The following TDP1 variants were observed in gnomAD, a reference collection of about 807,000 sequenced individuals.
TDP1 encodes the protein tyrosyl-DNA phosphodiesterase 1.
Under a neutral mutation model 81.5 loss-of-function variants are expected in TDP1, and 64 were observed. That is an observed-to-expected ratio of 0.79 (90% CI 0.64 to 0.97). The LOEUF is 0.97. TDP1 is among the 50% of genes least tolerant of loss of function. TDP1 has a pLI of 0.00. For synonymous variants in TDP1, 256 were observed against 264.3 expected (o/e 0.97, Z 0.30); for missense variants, 723 against 743.8 (o/e 0.97, Z 0.33).
chr14:90,010,708 A>G (rs1884602510), intron 14 of TDP1, among the ~76,000 whole-genome samples: 1 of 152,216 alleles, frequency 6.6e-6, no homozygotes, highest in Non-Finnish European at 1.5e-5. Flanking sequence ...ATTCTTCCTG[A>G]GGGCCTCTGG....
chr14:89,962,848 TG>T, intron 2 of TDP1: 1 of 919,518 alleles, frequency 1.1e-6, no homozygotes, highest in Non-Finnish European at 1.3e-6. Flanking sequence ...CCACTCCAGC[TG>T]GGTGACAGAG....
At chr14:90,016,416 G>A (rs1885316650) in intron 14 of TDP1, among the ~76,000 whole-genome samples, 2 of 152,094 alleles carry the variant, frequency 1.3e-5, no homozygotes, top group Admixed American at 6.5e-5. Context: ...ACCCTCCCAA[G>A]TCCTCCTTCA....
At chr14:90,026,748 T>C (rs937366631) in intron 15 of TDP1, among the ~76,000 whole-genome samples, 4 of 152,198 alleles carry the variant, frequency 2.6e-5, no homozygotes, top group Admixed American at 1.3e-4. Flanking sequence ...CTGAGAATGA[T>C]GGTTTCCAGC....
At chr14:90,042,428 G>T (rs1426767394) in intron 16 of TDP1, among the ~76,000 whole-genome samples, 6 of 152,186 alleles carry the variant, frequency 3.9e-5, no homozygotes. Context: ...TGGTTAAAGT[G>T]ATTTGCCAAT....
In TDP1 at chr14:89,988,583, A is replaced by G. The variant is rs969384915; in HGVS notation, c.1132-322A>G. 6 of 980,880 alleles carry G rather than the reference A, an allele frequency of 6.1e-6. No homozygotes were observed. In the African/African-American group the frequency reaches 1.1e-4, roughly 17 times the overall value. The allele number at this position is 980,880 out of a possible 1,614,324, so 60.8% of individuals were successfully genotyped here. On this transcript the variant is annotated intron_variant, in intron 10 of 16. Coordinates refer to ENST00000335725, the MANE Select transcript of TDP1 (RefSeq NM_018319.4). Reference sequence around the variant, plus strand: ...TGTGATTTCAAGTAAAAAAAATCTAATTTCATATGACAAGTTGGTGGTTTA... The same window carrying G: ...TGTGATTTCAAGTAAAAAAAATCTAGTTTCATATGACAAGTTGGTGGTTTA...
At chr14:90,007,884 A>G (rs796507605) in intron 14 of TDP1, among the ~76,000 whole-genome samples, 1 of 152,038 alleles carries the variant, frequency 6.6e-6, no homozygotes, top group Non-Finnish European at 1.5e-5. Context: ...GGCGTGAACC[A>G]CCATGCCTGG....
chr14:89,973,814 T>C (rs997576728), intron 6 of TDP1, among the ~76,000 whole-genome samples: 2 of 152,110 alleles, frequency 1.3e-5, no homozygotes, highest in Non-Finnish European at 2.9e-5. Context: ...CTCACAGTTC[T>C]GGAAGCTGGG....
In TDP1 at chr14:90,043,748, CA is replaced by C. The variant is rs397897279; in HGVS notation, c.*608del. On this transcript the variant is annotated 3_prime_UTR_variant, in exon 17 of 17. Coordinates refer to ENST00000335725, the MANE Select transcript of TDP1 (RefSeq NM_018319.4). ...TTCAGATTTTCAGATTAGGGATGCT[CA>C]AATCTATATAGATATAAAATTATCC... 15,024 of 159,420 alleles carry C rather than the reference CA, an allele frequency of 0.094. 1,669 individuals are homozygous for C. Among genetic ancestry groups the C allele is most frequent in the African/African-American group, 0.27 (11,146 of 41,430 alleles). The allele number at this position is 159,420 out of a possible 1,614,324, so 9.9% of individuals were successfully genotyped here.
rs12588078 is a variant in TDP1, at chr14:90,025,131, A to G, written c.1644+5713A>G. Among the ~76,000 whole-genome samples the G allele has an allele frequency of 1.7e-3, 260 of 152,270 alleles. 5 individuals carry two copies. In the East Asian group the frequency reaches 0.02, roughly 12 times the overall value. On this transcript the variant is annotated intron_variant, in intron 15 of 16. Coordinates refer to ENST00000335725, the MANE Select transcript of TDP1 (RefSeq NM_018319.4). ...TTTGGAGCCATTGTTGCAGATAGTC[A>G]AGCTTAGTGCCCAGAATGGCACAGT... is the stretch of plus-strand genomic sequence containing the variant.
In TDP1 at chr14:89,978,241, A is replaced by G. The variant is rs191282066; in HGVS notation, c.792-2299A>G. 1.5e-4 allele frequency among the ~76,000 whole-genome samples: 23 copies of G among 152,364 alleles called. 1 individual carries two copies. Among genetic ancestry groups the G allele is most frequent in the Admixed American group, 1.2e-3 (18 of 15,304 alleles). On this transcript the variant is annotated intron_variant, in intron 7 of 16. Coordinates refer to ENST00000335725, the MANE Select transcript of TDP1 (RefSeq NM_018319.4). ...TGTGTGGTGAAAGGAGTGCCCTGGC[A>G]TCTGGCATTTGTGATCCCAACAAGC...
At chr14:89,993,322 G>A (rs773540663) in intron 13 of TDP1, 54 bp from the exon 14 acceptor site, 86 of 1,451,372 alleles carry the variant, frequency 5.9e-5, no homozygotes, top group Non-Finnish European at 8.1e-5. Context: ...CTAATATTAG[G>A]ATTATGATCA....
intron 15 of TDP1, among the ~76,000 whole-genome samples, chr14:90,026,703 TGTG>T (rs1886699314): frequency 6.6e-6 from 1 of 151,774 alleles, no homozygotes; most frequent in African/African-American, 2.4e-5. Flanking sequence ...AGTGAGAACA[TGTG>T]GTGTTTGGTT....
chr14:90,003,579 C>T (rs529199015), intron 14 of TDP1, among the ~76,000 whole-genome samples: 2 of 152,244 alleles, frequency 1.3e-5, no homozygotes, highest in East Asian at 1.9e-4. Context: ...TAAGAGAAGC[C>T]TTGGCTAAGA....
chr14:90,010,529 G>T (rs1207011352), intron 14 of TDP1, among the ~76,000 whole-genome samples: 1 of 152,100 alleles, frequency 6.6e-6, no homozygotes, highest in African/African-American at 2.4e-5. Flanking sequence ...TTGGGGGAGG[G>T]CCCAGTATAA....
chr14:90,022,282 A>G (rs573759262), intron 15 of TDP1, among the ~76,000 whole-genome samples: 19 of 152,376 alleles, frequency 1.2e-4, no homozygotes, highest in South Asian at 1.2e-3. Context: ...ACAGAAGCCC[A>G]CAGATGGAAG....
intron 3 of TDP1, among the ~76,000 whole-genome samples, chr14:89,964,243 T>G (rs908839431): frequency 5.9e-5 from 9 of 152,182 alleles, no homozygotes; most frequent in African/African-American, 2.2e-4. Flanking sequence ...TGAGTGCAAA[T>G]AGATGTTTCA....
chr14:89,975,967 A>G, intron 7 of TDP1, 152 bp downstream of exon 7: 1 of 724,886 alleles, frequency 1.4e-6, no homozygotes, highest in Non-Finnish European at 2.5e-6. Flanking sequence ...CTTTTATTTA[A>G]TGCTCTTATA....
intron 8 of TDP1, among the ~76,000 whole-genome samples, chr14:89,982,537 C>T (rs1168044901): frequency 1.3e-5 from 2 of 152,156 alleles, no homozygotes; most frequent in Non-Finnish European, 2.9e-5. Context: ...CCCTGGGCCT[C>T]CAGCTCCTTC....
At chr14:90,034,583 G>T (rs192345001) in intron 16 of TDP1, among the ~76,000 whole-genome samples, 1 of 152,166 alleles carries the variant, frequency 6.6e-6, no homozygotes, top group Admixed American at 6.5e-5. Flanking sequence ...CTTTAAGGTG[G>T]GTCCACACTT....
Sources: gnomAD v4.1 joint callset for allele counts (sites outside exome capture counted in the v4.1 genomes callset) on GRCh38, gnomAD v4.1.1 for gene constraint, MANE v1.5 for transcripts, NCBI Gene and HGNC (gene_info 2026-07-23, HGNC 2026-07-21) for gene names.